WDPCP: variants seen among roughly 807,000 people sequenced by gnomAD.
The protein encoded by WDPCP is WD repeat-containing and planar cell polarity effector protein fritz homolog.
WDPCP carries 71 observed loss-of-function variants against 93.1 expected under a neutral mutation model. The observed-to-expected ratio is 0.76, with a 90% confidence interval of 0.63 to 0.93. The LOEUF is 0.93. Among genes scored for constraint, WDPCP ranks in the 40% least tolerant of loss-of-function variants. The pLI is 0.00. For synonymous variants in WDPCP, 315 were observed against 315.0 expected, an observed-to-expected ratio of 1.00 and a Z score of 0.00; for missense variants, 844 against 887.4, an observed-to-expected ratio of 0.95 and a Z score of 0.62.
chr2:63,426,047 G>A (rs569068498), intron 9 of WDPCP, among the ~76,000 whole-genome samples: 1 of 152,204 alleles, frequency 6.6e-6, no homozygotes, highest in Non-Finnish European at 1.5e-5. Context: ...AACTTAAAAG[G>A]CAAAAGAGGA....
chr2:63,540,032 T>C (rs1354133688), intron 1 of WDPCP, among the ~76,000 whole-genome samples: 1 of 152,180 alleles, frequency 6.6e-6, no homozygotes, highest in Non-Finnish European at 1.5e-5. Flanking sequence ...GAATTAAATT[T>C]TAAAAACAAT....
chr2:63,707,502 A>C (rs1248250507), intron 2 of WDPCP, among the ~76,000 whole-genome samples: 6 of 151,946 alleles, frequency 3.9e-5, no homozygotes, highest in Non-Finnish European at 8.8e-5. Context: ...ACTTCTCTGC[A>C]TTGGTTATTC....
At chr2:63,369,655 C>A (rs557145814) in intron 12 of WDPCP, among the ~76,000 whole-genome samples, 24 of 152,244 alleles carry the variant, frequency 1.6e-4, no homozygotes, top group African/African-American at 5.5e-4. Context: ...GCCTAATAAG[C>A]AGACTATCCC....
At chr2:63,743,842 T>C (rs969022918) in intron 2 of WDPCP, among the ~76,000 whole-genome samples, 11 of 152,174 alleles carry the variant, frequency 7.2e-5, no homozygotes, top group Admixed American at 2.6e-4. Flanking sequence ...AATTTATTCA[T>C]TGCTTATCAC....
In WDPCP at chr2:63,607,514, C is replaced by T. The variant is rs1489065190; in HGVS notation, n.488+43145G>A. 2.0e-5 allele frequency among the ~76,000 whole-genome samples: 3 copies of T among 151,092 alleles called. No homozygotes were observed. In the East Asian group the frequency reaches 5.8e-4, roughly 29 times the overall value. Reference sequence around the variant, plus strand: ...TTGCGCCACTGCACTCCAGCCTGGGCTACGAGGGAAACTCCGTCTCAAAAA... The same window carrying T: ...TTGCGCCACTGCACTCCAGCCTGGGTTACGAGGGAAACTCCGTCTCAAAAA... On this transcript the variant is annotated intron_variant and non_coding_transcript_variant, in intron 3 of 4. Coordinates refer to the WDPCP transcript ENST00000467687.
chr2:63,682,016 T>G (rs1668705775), intron 2 of WDPCP, among the ~76,000 whole-genome samples: 2 of 152,118 alleles, frequency 1.3e-5, no homozygotes, highest in Non-Finnish European at 2.9e-5. Context: ...ACAACATAGA[T>G]CACAACATTC....
chr2:63,452,500 G>A (rs1475373350), intron 6 of WDPCP, among the ~76,000 whole-genome samples: 5 of 152,282 alleles, frequency 3.3e-5, no homozygotes, highest in East Asian at 3.9e-4. Flanking sequence ...TCAATATCGT[G>A]AAAATGGCCA....
At chr2:63,622,551 G>A in intron 3 of WDPCP, 1 of 1,613,954 alleles carries the variant, frequency 6.2e-7, no homozygotes, top group South Asian at 1.1e-5. Context: ...GGTGAAGGTA[G>A]TCATGGTCTG....
chr2:63,585,433 C>G (rs1708777736), intron 1 of WDPCP, among the ~76,000 whole-genome samples: 1 of 151,988 alleles, frequency 6.6e-6, no homozygotes, highest in Non-Finnish European at 1.5e-5. Flanking sequence ...AACTATTTAG[C>G]TCTGCAATCT....
intron 8 of WDPCP, among the ~76,000 whole-genome samples, chr2:63,435,480 G>A (rs1697073650): frequency 6.6e-6 from 1 of 152,092 alleles, no homozygotes; most frequent in Admixed American, 6.6e-5. Flanking sequence ...AAATTGCTAA[G>A]TACTTAAAAA....
chr2:63,434,075 TCAGAATTTAC>T, intron 8 of WDPCP, 139 bp from the exon 9 acceptor site: 1 of 847,744 alleles, frequency 1.2e-6, no homozygotes, highest in Non-Finnish European at 1.8e-6. Context: ...TAAGAAGGTG[TCAGAATTTAC>T]CAAATTCTTC....
chr2:63,557,424 A>G (rs1706212806), intron 1 of WDPCP, among the ~76,000 whole-genome samples: 1 of 152,214 alleles, frequency 6.6e-6, no homozygotes, highest in Non-Finnish European at 1.5e-5. Context: ...GGGGCATTAC[A>G]TAATGGTAAA....
intron 2 of WDPCP, among the ~76,000 whole-genome samples, chr2:63,742,145 C>A (rs1256164437): frequency 2.0e-5 from 3 of 151,974 alleles, no homozygotes; most frequent in African/African-American, 7.2e-5. Flanking sequence ...TCTCCCCTAT[C>A]TCTAATAGTT....
At chr2:63,505,305 C>T (rs1486908251) in intron 1 of WDPCP, among the ~76,000 whole-genome samples, 2 of 151,958 alleles carry the variant, frequency 1.3e-5, no homozygotes, top group East Asian at 1.9e-4. Context: ...AAGTAGATAA[C>T]TTAGGAAAGA....
At chr2:63,342,971 T>C (rs1274372968) in intron 12 of WDPCP, among the ~76,000 whole-genome samples, 1 of 152,122 alleles carries the variant, frequency 6.6e-6, no homozygotes, top group Non-Finnish European at 1.5e-5. Flanking sequence ...CCCTCATTTT[T>C]AAGAGATAAT....
At chr2:63,343,249 C>G (rs1286456636) in intron 12 of WDPCP, among the ~76,000 whole-genome samples, 1 of 150,760 alleles carries the variant, frequency 6.6e-6, no homozygotes, top group African/African-American at 2.4e-5. Flanking sequence ...CTCAAGTGAT[C>G]TGCCCACCTC....
At chr2:63,245,372 T>C (rs1680191211) in intron 14 of WDPCP, among the ~76,000 whole-genome samples, 1 of 152,164 alleles carries the variant, frequency 6.6e-6, no homozygotes, top group Admixed American at 6.6e-5. Flanking sequence ...GTAACAGTGA[T>C]AAGAAAAAGA....
intron 12 of WDPCP, among the ~76,000 whole-genome samples, chr2:63,326,620 AAGAGACAG>A (rs1221624811): frequency 3.3e-5 from 5 of 151,482 alleles, no homozygotes; most frequent in South Asian, 4.2e-4. Flanking sequence ...CAGAGAGAGG[AAGAGACAG>A]AGAGACAGAG....
At chr2:63,400,693 A>C (rs2105140310) in intron 10 of WDPCP, among the ~76,000 whole-genome samples, 1 of 152,316 alleles carries the variant, frequency 6.6e-6, no homozygotes, top group East Asian at 1.9e-4. Context: ...AGACAATCCT[A>C]AGCCAAAAGA....
Sources: gnomAD v4.1 joint callset for allele counts (sites outside exome capture counted in the v4.1 genomes callset) on GRCh38, gnomAD v4.1.1 for gene constraint, MANE v1.5 for transcripts, NCBI Gene and HGNC (gene_info 2026-07-23, HGNC 2026-07-21) for gene names.